The following MYT1L variants were observed in gnomAD, a reference collection of about 807,000 sequenced individuals.
MYT1L encodes the protein myelin transcription factor 1 like, also known as myelin transcription factor 1-like protein.
In MYT1L, 12 loss-of-function variants were observed where a neutral mutation model predicts 126.7. The ratio of observed to expected loss-of-function variants is 0.09; its 90% CI spans 0.06 to 0.15. MYT1L has a LOEUF of 0.15. Ranked by LOEUF, MYT1L falls within the 10% of genes least tolerant of loss-of-function variation. The probability of loss-of-function intolerance (pLI) is 1.00; values close to 1 mark genes in which losing one functional copy is unlikely to be tolerated. For synonymous variants in MYT1L, 541 were observed against 604.2 expected (o/e 0.90, Z 1.53); for missense variants, 979 against 1,585.2 (o/e 0.62, Z 6.49).
chr2:2,082,893 A>G (rs2075988529), intron 3 of MYT1L, among the ~76,000 whole-genome samples: 1 of 152,194 alleles, frequency 6.6e-6, no homozygotes, highest in African/African-American at 2.4e-5. Flanking sequence ...ATGCCTGACT[A>G]GAACAGAAGA....
At chr2:2,093,019 C>A (rs1300216689) in intron 3 of MYT1L, among the ~76,000 whole-genome samples, 1 of 152,140 alleles carries the variant, frequency 6.6e-6, no homozygotes, top group Non-Finnish European at 1.5e-5. Flanking sequence ...GGTTACAATA[C>A]ATTTTTGTAA....
At position 2,059,273 on chromosome 2, in the gene MYT1L, G is replaced by A. The variant is rs998098549; in HGVS notation, c.-303-5150C>T. 1.3e-5 allele frequency among the ~76,000 whole-genome samples: 2 copies of A among 152,044 alleles called. No individual in the cohort carries two copies. Among genetic ancestry groups the A allele is most frequent in the African/African-American group, 2.4e-5 (1 of 41,344 alleles). Reference sequence around the variant, plus strand: ...ATCAACGGGGTCGCAACTGCTTTTCGCAGGATTGTTTTATTATTTCCAGTG... The same window carrying A: ...ATCAACGGGGTCGCAACTGCTTTTCACAGGATTGTTTTATTATTTCCAGTG... On this transcript the variant is annotated intron_variant, in intron 3 of 24. Coordinates refer to ENST00000647738, the MANE Select transcript of MYT1L (RefSeq NM_001303052.2). This position sits in a 1 kb window ranked among gnomAD's most constrained non-coding sequence, Gnocchi z 4.7.
intron 3 of MYT1L, among the ~76,000 whole-genome samples, chr2:2,117,892 C>T (rs2080434349): frequency 1.3e-5 from 2 of 151,984 alleles, no homozygotes; most frequent in African/African-American, 4.8e-5. Flanking sequence ...TGAAAATCTT[C>T]AAATGCTTCT....
intron 2 of MYT1L, among the ~76,000 whole-genome samples, chr2:2,183,568 A>C (rs2091770187): frequency 1.3e-5 from 2 of 152,188 alleles, no homozygotes; most frequent in African/African-American, 2.4e-5. Context: ...TGGCCCTGTA[A>C]GGTAATGATG....
At chr2:2,241,184 C>T (rs566446942) in intron 2 of MYT1L, among the ~76,000 whole-genome samples, 3 of 152,164 alleles carry the variant, frequency 2.0e-5, no homozygotes, top group East Asian at 1.9e-4. Context: ...GTGCTATAAC[C>T]GCACGCTTCC....
intron 1 of MYT1L, among the ~76,000 whole-genome samples, chr2:2,314,559 T>C (rs1262327506): frequency 6.6e-6 from 1 of 152,196 alleles, no homozygotes; most frequent in Non-Finnish European, 1.5e-5. Flanking sequence ...TAAAATTTAA[T>C]TTAATTTAAT....
At chr2:2,102,604 A>ATGTGTGTGTGTG (rs3047992) in intron 3 of MYT1L, among the ~76,000 whole-genome samples, 30 of 143,124 alleles carry the variant, frequency 2.1e-4, no homozygotes, top group Middle Eastern at 3.6e-3. Flanking sequence ...CCTCTTGGGA[A>ATGTGTGTGTGTG]TGTGTGTGTG....
intron 3 of MYT1L, among the ~76,000 whole-genome samples, chr2:2,104,297 A>C (rs1233054676): frequency 1.3e-5 from 2 of 152,270 alleles, no homozygotes; most frequent in Non-Finnish European, 2.9e-5. Context: ...CAGAGGTGTT[A>C]ATCTCAATTG....
intron 14 of MYT1L, 75 bp from the exon 15 acceptor site, chr2:1,892,362 C>A: frequency 6.7e-7 from 1 of 1,492,310 alleles, no homozygotes. Context: ...GCAGGGCCTG[C>A]CCGCCCCGGC....
At chr2:1,843,203 C>T (rs550924307) in intron 19 of MYT1L, among the ~76,000 whole-genome samples, 69 of 152,364 alleles carry the variant, frequency 4.5e-4, no homozygotes, top group South Asian at 2.7e-3. Flanking sequence ...GAAGCCTGGG[C>T]CTGGCTGTCC....
At chr2:2,271,920 G>C (rs540428597) in intron 2 of MYT1L, among the ~76,000 whole-genome samples, 1 of 152,214 alleles carries the variant, frequency 6.6e-6, no homozygotes, top group African/African-American at 2.4e-5. Flanking sequence ...TCTTCAAAGG[G>C]AGATATCAGA....
intron 3 of MYT1L, among the ~76,000 whole-genome samples, chr2:2,054,329 T>G (rs915319796): frequency 2.0e-5 from 3 of 151,306 alleles, no homozygotes; most frequent in African/African-American, 7.3e-5. Context: ...ATGAGACACA[T>G]GGAGATGATG....
intron 3 of MYT1L, among the ~76,000 whole-genome samples, chr2:2,152,069 A>G (rs1335145454): frequency 6.6e-6 from 1 of 152,204 alleles, no homozygotes; most frequent in African/African-American, 2.4e-5. Flanking sequence ...CAATCAATCA[A>G]TCAATAAAAG....
At chr2:1,897,620 G>A (rs2049778080) in intron 14 of MYT1L, among the ~76,000 whole-genome samples, 1 of 151,994 alleles carries the variant, frequency 6.6e-6, no homozygotes, top group Non-Finnish European at 1.5e-5. Context: ...CCACGACCAT[G>A]CCCGGCTAAT....
At chr2:2,202,085 C>T (rs2093102695) in intron 2 of MYT1L, among the ~76,000 whole-genome samples, 1 of 152,014 alleles carries the variant, frequency 6.6e-6, no homozygotes, top group African/African-American at 2.4e-5. Flanking sequence ...AGAACAAAGA[C>T]ACAACATACC....
At chr2:2,276,876 G>A (rs567225141) in intron 2 of MYT1L, among the ~76,000 whole-genome samples, 2 of 152,196 alleles carry the variant, frequency 1.3e-5, no homozygotes, top group East Asian at 3.9e-4. Context: ...GCATCCAAAG[G>A]AACACTCCTG....
At chr2:1,829,107 C>T (rs551801799) in intron 21 of MYT1L, among the ~76,000 whole-genome samples, 2 of 152,228 alleles carry the variant, frequency 1.3e-5, no homozygotes, top group African/African-American at 2.4e-5. Flanking sequence ...GGCTGCCCAG[C>T]GCTTGGTGAG....
At chr2:2,158,627 A>G (rs1298631323) in intron 3 of MYT1L, among the ~76,000 whole-genome samples, 10 of 151,248 alleles carry the variant, frequency 6.6e-5, no homozygotes, top group Non-Finnish European at 1.3e-4. Context: ...AAACACACAC[A>G]CACACACACA....
chr2:1,814,368 C>A (rs939187332), intron 21 of MYT1L, among the ~76,000 whole-genome samples: 1 of 152,228 alleles, frequency 6.6e-6, no homozygotes, highest in Admixed American at 6.5e-5. Flanking sequence ...GAATCCCCTG[C>A]GCCCTGGAGC....
Sources: allele counts gnomAD v4.1 joint callset (sites outside exome capture counted in the v4.1 genomes callset), GRCh38; gene constraint gnomAD v4.1.1; non-coding constraint Gnocchi (gnomAD v3.1); transcripts MANE v1.5; gene names NCBI Gene and HGNC (gene_info 2026-07-23, HGNC 2026-07-21).